CCSER2: variants seen among roughly 807,000 people sequenced by gnomAD.
CCSER2 encodes the protein coiled-coil serine rich protein 2.
A neutral mutation model predicts 92.3 loss-of-function variants in CCSER2; 46 were observed. The observed-to-expected ratio is 0.50, with a 90% CI of 0.39 to 0.64. CCSER2 has a LOEUF of 0.64. CCSER2 is among the 30% of genes least tolerant of loss of function. The probability of loss-of-function intolerance (pLI) is 0.00; values close to 1 mark genes in which losing one functional copy is unlikely to be tolerated. For missense variants in CCSER2, 1,244 were observed against 1,238.9 expected, an observed-to-expected ratio of 1.00 and a Z score of -0.06; for synonymous variants, 433 against 431.4, an observed-to-expected ratio of 1.00 and a Z score of -0.04.
At chr10:84,357,049 C>G (rs765397875) in intron 1 of CCSER2, among the ~76,000 whole-genome samples, 5 of 152,160 alleles carry the variant, frequency 3.3e-5, no homozygotes, top group African/African-American at 7.2e-5. Context: ...GATTGAAAGT[C>G]AGTCTGTGTT....
intron 5 of CCSER2, among the ~76,000 whole-genome samples, chr10:84,426,186 G>A (rs1248040126): frequency 6.6e-6 from 1 of 152,132 alleles, no homozygotes; most frequent in Non-Finnish European, 1.5e-5. Context: ...ATGATTAAAT[G>A]TTAACTGTGT....
At chr10:84,397,228 A>G (rs1841892854) in intron 3 of CCSER2, among the ~76,000 whole-genome samples, 1 of 152,206 alleles carries the variant, frequency 6.6e-6, no homozygotes, top group Non-Finnish European at 1.5e-5. Flanking sequence ...GTATTACCAT[A>G]ATCTACTCAT....
intron 6 of CCSER2, among the ~76,000 whole-genome samples, chr10:84,454,243 C>G (rs545252943): frequency 1.1e-4 from 16 of 152,260 alleles, no homozygotes; most frequent in African/African-American, 3.9e-4. Flanking sequence ...TTCACATGAC[C>G]TTCTCCCTTG....
At chr10:84,481,241 T>C (rs1387307725) in intron 9 of CCSER2, among the ~76,000 whole-genome samples, 1 of 152,174 alleles carries the variant, frequency 6.6e-6, no homozygotes, top group Admixed American at 6.5e-5. Flanking sequence ...CCCAACTATT[T>C]ATGTTATGAC....
chr10:84,378,041 C>T (rs745338746), intron 3 of CCSER2, among the ~76,000 whole-genome samples: 1 of 152,172 alleles, frequency 6.6e-6, no homozygotes, highest in African/African-American at 2.4e-5. Flanking sequence ...ACCACCCCAG[C>T]GCTTGCCCTA....
In CCSER2 at chr10:84,415,660, G is replaced by T. The variant is rs183937431; in HGVS notation, c.1615-2111G>T. Among the ~76,000 whole-genome samples the T allele has an allele frequency of 1.5e-4, 23 of 152,334 alleles. No individual in the cohort carries two copies. The South Asian group carries it at 4.4e-3, about 29-fold the overall frequency. On this transcript the variant is annotated intron_variant, in intron 3 of 9. Transcript: ENST00000372088. ...CAGGATCAGGGACCTACTTAAAGAA[G>T]TAGTCTGGCTGCTTTTTGTTAGCAC...
intron 9 of CCSER2, among the ~76,000 whole-genome samples, chr10:84,505,663 A>G (rs765063461): frequency 4.6e-5 from 7 of 152,142 alleles, no homozygotes; most frequent in Non-Finnish European, 7.4e-5. Flanking sequence ...AACATCAAAT[A>G]TGGTATTTTG....
chr10:84,471,246 ATAT>A (rs1397626621), intron 8 of CCSER2, among the ~76,000 whole-genome samples: 4 of 152,130 alleles, frequency 2.6e-5, no homozygotes, highest in South Asian at 2.1e-4. Flanking sequence ...GATAAATCAA[ATAT>A]TATGATTAAA....
rs1554844934 is a variant in CCSER2 at position 84,419,364 on chromosome 10, A to AT, written c.1705+1503_1705+1504insT. On this transcript the variant is annotated intron_variant, in intron 4 of 9. Coordinates refer to ENST00000372088, the MANE Select transcript of CCSER2 (RefSeq NM_001284240.2). The stretch of plus-strand genomic sequence containing the variant: ...AAACCAGCTCCCTTCTCAAAAAAAA[A>AT]AAAATAAAATAAAGAAAAACACCCA... Among the ~76,000 whole-genome samples, 367 of 149,986 alleles carry AT rather than the reference A, an allele frequency of 2.4e-3. 1 individual carries two copies. Among genetic ancestry groups the AT allele is most frequent in the African/African-American group, 8.5e-3 (349 of 41,076 alleles).
chr10:84,369,556 G>T (rs961639607), intron 1 of CCSER2, among the ~76,000 whole-genome samples: 2 of 151,908 alleles, frequency 1.3e-5, no homozygotes, highest in Non-Finnish European at 2.9e-5. Flanking sequence ...ATAGATTCTG[G>T]ATACTAATCT....
intron 3 of CCSER2, among the ~76,000 whole-genome samples, chr10:84,404,271 C>A (rs1842266242): frequency 6.6e-6 from 1 of 152,208 alleles, no homozygotes; most frequent in Non-Finnish European, 1.5e-5. Context: ...CCCTTCGAAA[C>A]AAACTTACCC....
intron 9 of CCSER2, among the ~76,000 whole-genome samples, chr10:84,496,128 A>G (rs958417618): frequency 2.6e-5 from 4 of 152,250 alleles, no homozygotes; most frequent in Non-Finnish European, 4.4e-5. Context: ...ATATTTAACT[A>G]TATATAGTCT....
intron 3 of CCSER2, among the ~76,000 whole-genome samples, chr10:84,375,583 A>T: frequency 1.5e-5 from 2 of 131,834 alleles, no homozygotes; most frequent in Non-Finnish European, 1.6e-5. Context: ...TTACTTAGTG[A>T]TCTTCTCTAT....
intron 1 of CCSER2, among the ~76,000 whole-genome samples, chr10:84,331,581 G>A (rs1482055163): frequency 2.0e-5 from 3 of 152,152 alleles, no homozygotes; most frequent in Non-Finnish European, 4.4e-5. Flanking sequence ...TTACTTGTGT[G>A]GCTTGTCTGT....
rs1022769061 is a variant in CCSER2, at chr10:84,328,589, G to C, written c.-259G>C. 6.6e-6 allele frequency: 1 copy of C among 150,732 alleles called. No homozygotes were observed. Among genetic ancestry groups the C allele is most frequent in the Non-Finnish European group, 1.5e-5 (1 of 67,584 alleles). 9.3% of individuals were successfully genotyped at this position (150,732 alleles called of 1,614,324 possible). A position where few individuals can be genotyped will look rare whatever the true frequency, so the allele number is the denominator to read the frequency against. ...GCGCGGTGCGCCGGCCCTGGAGGGC[G>C]GAGTCCGGGCGGGCGCCGGCCGAGG... On this transcript the variant is annotated 5_prime_UTR_variant, in exon 1 of 10. Transcript: ENST00000372088.
intron 9 of CCSER2, among the ~76,000 whole-genome samples, chr10:84,506,300 G>A (rs1359328614): frequency 1.3e-5 from 2 of 152,198 alleles, no homozygotes; most frequent in Non-Finnish European, 2.9e-5. Context: ...AGAGGAATAA[G>A]AGCATTCCTT....
At chr10:84,397,458 A>G (rs2133295033) in intron 3 of CCSER2, among the ~76,000 whole-genome samples, 1 of 152,332 alleles carries the variant, frequency 6.6e-6, no homozygotes, top group Non-Finnish European at 1.5e-5. Flanking sequence ...AGAAAATTGA[A>G]CCTAAAATAA....
At chr10:84,370,626 G>A (rs994534696) in intron 1 of CCSER2, among the ~76,000 whole-genome samples, 1 of 152,054 alleles carries the variant, frequency 6.6e-6, no homozygotes, top group African/African-American at 2.4e-5. Flanking sequence ...TTGCCTGAGT[G>A]CACTGGCTGT....
At chr10:84,408,180 A>G (rs962296233) in intron 3 of CCSER2, among the ~76,000 whole-genome samples, 2 of 152,146 alleles carry the variant, frequency 1.3e-5, no homozygotes, top group Non-Finnish European at 1.5e-5. Context: ...AATTAAAAAC[A>G]TAAGTATGTG....
Sources: gnomAD v4.1 joint callset for allele counts (sites outside exome capture counted in the v4.1 genomes callset) on GRCh38, gnomAD v4.1.1 for gene constraint, MANE v1.5 for transcripts, NCBI Gene and HGNC (gene_info 2026-07-23, HGNC 2026-07-21) for gene names.